The following CFAP47 variants were observed in gnomAD, a reference collection of about 807,000 sequenced individuals.
The protein encoded by CFAP47 is cilia- and flagella-associated protein 47.
Under a neutral mutation model 148.1 loss-of-function variants are expected in CFAP47, and 29 were observed. The ratio of observed to expected loss-of-function variants is 0.20; its 90% CI spans 0.15 to 0.27. The LOEUF (loss-of-function observed/expected upper bound fraction) is 0.27, where lower values mean the gene tolerates loss of function less well. CFAP47 is among the 10% of genes least tolerant of loss of function. The probability of loss-of-function intolerance (pLI) is 1.00; values close to 1 mark genes in which losing one functional copy is unlikely to be tolerated. For missense variants in CFAP47, 1,872 were observed against 1,697.5 expected (o/e 1.10, Z -1.81); for synonymous variants, 664 against 577.3 (o/e 1.15, Z -2.15).
chrX:35,968,665 T>A (rs1936444974), intron 10 of CFAP47, among the ~76,000 whole-genome samples: 1 of 111,381 alleles, frequency 9.0e-6, no homozygotes, highest in Non-Finnish European at 1.9e-5. Context: ...ATTTGATTTT[T>A]AGGACATAAT....
At chrX:36,344,737 A>G (rs1941683173) in intron 57 of CFAP47, among the ~76,000 whole-genome samples, 1 of 111,982 alleles carries the variant, frequency 8.9e-6, no homozygotes, top group African/African-American at 3.2e-5. Context: ...TAATCTTGTA[A>G]GGCTAAGTTA....
rs143068749 is a variant in CFAP47 at position 36,261,320 on chromosome X, C to CTTTTTTTT, written c.7444+9893_7444+9900dup. Among the ~76,000 whole-genome samples, 80 of 20,442 alleles carry CTTTTTTTT rather than the reference C, an allele frequency of 3.9e-3. 6 individuals carry two copies. The highest frequency in any genetic ancestry group is 0.012 in the African/African-American group (47 of 3,980). 17.8% of individuals were successfully genotyped at this position (20,442 alleles called of 115,157 possible). A position where few individuals can be genotyped will look rare whatever the true frequency, so the allele number is the denominator to read the frequency against. On this transcript the variant is annotated intron_variant, in intron 49 of 63. Coordinates refer to ENST00000378653, the MANE Select transcript of CFAP47 (RefSeq NM_001304548.2). ...GCCACCCTATCAGTTAGATACTATTCTTTTTTTTTTTTTTTTTTTTTTTTC... is the reference window on the plus strand; with the variant it reads ...GCCACCCTATCAGTTAGATACTATTCTTTTTTTTTTTTTTTTTTTTTTTTTTTTTTTTC...
At chrX:36,372,709 A>G (rs782718108) in intron 62 of CFAP47, among the ~76,000 whole-genome samples, 1 of 112,110 alleles carries the variant, frequency 8.9e-6, no homozygotes, top group Non-Finnish European at 1.9e-5. Context: ...ATCATATGGA[A>G]CAACCATTGT....
At chrX:36,170,365 G>GT (rs1351840370) in intron 39 of CFAP47, among the ~76,000 whole-genome samples, 10 of 110,455 alleles carry the variant, frequency 9.1e-5, no homozygotes, top group Non-Finnish European at 1.7e-4. Context: ...AGTTACATAT[G>GT]ATACATGTGC....
At chrX:36,049,173 C>CT (rs373209998) in intron 26 of CFAP47, among the ~76,000 whole-genome samples, 110 of 107,850 alleles carry the variant, frequency 1.0e-3, no homozygotes, top group African/African-American at 3.3e-3. Flanking sequence ...GGTTTTTTTT[C>CT]TTTTTTTTTG....
chrX:35,931,239 C>T (rs1308699539), intron 2 of CFAP47, among the ~76,000 whole-genome samples: 1 of 110,820 alleles, frequency 9.0e-6, no homozygotes, highest in African/African-American at 3.3e-5. Context: ...ATCGTTATTC[C>T]TTTCTGGTAG....
intron 39 of CFAP47, among the ~76,000 whole-genome samples, chrX:36,164,060 T>C (rs945007783): frequency 8.9e-6 from 1 of 112,331 alleles, no homozygotes; most frequent in African/African-American, 3.2e-5. Flanking sequence ...TTTGTATTAT[T>C]TAAATCATTT....
At chrX:36,141,061 T>A (rs1939130236) in intron 35 of CFAP47, among the ~76,000 whole-genome samples, 1 of 84,662 alleles carries the variant, frequency 1.2e-5, no homozygotes, top group African/African-American at 6.8e-5. Flanking sequence ...GTCCTTAAAT[T>A]TTTTTTTTTT....
intron 40 of CFAP47, among the ~76,000 whole-genome samples, chrX:36,186,929 T>C (rs1555985769): frequency 9.0e-6 from 1 of 110,938 alleles, no homozygotes; most frequent in South Asian, 3.8e-4. Flanking sequence ...TACTGTTCTT[T>C]TAATTCAACA....
chrX:36,034,275 G>A (rs939944842), intron 23 of CFAP47, among the ~76,000 whole-genome samples: 1 of 111,385 alleles, frequency 9.0e-6, no homozygotes, highest in Non-Finnish European at 1.9e-5. Context: ...GGGTTTTGGA[G>A]AAGAATGTTA....
At chrX:36,172,328 A>T (rs1213783158) in intron 39 of CFAP47, among the ~76,000 whole-genome samples, 4 of 106,694 alleles carry the variant, frequency 3.7e-5, no homozygotes, top group Non-Finnish European at 7.8e-5. Context: ...AGAACTTCCA[A>T]CACTATGTTG....
Position 36,170,162 on chromosome X carries a change from A to C in CFAP47, c.6027-9183A>C, listed in dbSNP as rs147782147. Among the ~76,000 whole-genome samples the C allele has an allele frequency of 7.5e-3, 839 of 111,738 alleles. 14 individuals carry two copies. Among genetic ancestry groups the C allele is most frequent in the African/African-American group, 0.026 (802 of 30,761 alleles). ...AAAGTTTGGAGTTTTTCTTGGATAA[A>C]CACTACTCCTGAGATTGTTGCATGC... is the stretch of plus-strand genomic sequence containing the variant. On this transcript the variant is annotated intron_variant, in intron 39 of 63. Coordinates refer to ENST00000378653, the MANE Select transcript of CFAP47 (RefSeq NM_001304548.2).
At chrX:36,199,355 A>G (rs1381956598) in intron 42 of CFAP47, among the ~76,000 whole-genome samples, 1 of 112,467 alleles carries the variant, frequency 8.9e-6, no homozygotes, top group African/African-American at 3.2e-5. Context: ...AATTAAAACC[A>G]GAAATGTCCA....
chrX:36,186,923 G>A (rs2146872827), intron 40 of CFAP47, among the ~76,000 whole-genome samples: 1 of 109,225 alleles, frequency 9.2e-6, no homozygotes, highest in East Asian at 2.9e-4. Context: ...AAGACTTACT[G>A]TTCTTTTAAT....
At chrX:36,121,471 G>A (rs919722995) in intron 33 of CFAP47, among the ~76,000 whole-genome samples, 1 of 110,383 alleles carries the variant, frequency 9.1e-6, no homozygotes, top group Non-Finnish European at 1.9e-5. Flanking sequence ...TTCTCTTAGC[G>A]AGGGTGATTT....
At chrX:36,370,734 A>G (rs1406975717) in intron 62 of CFAP47, among the ~76,000 whole-genome samples, 1 of 110,821 alleles carries the variant, frequency 9.0e-6, no homozygotes, top group African/African-American at 3.3e-5. Flanking sequence ...GGCGTATATG[A>G]AAAAAAATAG....
chrX:36,087,583 AGG>A (rs1938110527), intron 30 of CFAP47, among the ~76,000 whole-genome samples: 1 of 112,233 alleles, frequency 8.9e-6, no homozygotes, highest in South Asian at 3.7e-4. Flanking sequence ...GAGCATCTTA[AGG>A]GCAGAAACCA....
At chrX:36,229,725 G>A (rs894717244) in intron 46 of CFAP47, among the ~76,000 whole-genome samples, 18 of 107,463 alleles carry the variant, frequency 1.7e-4, no homozygotes, top group African/African-American at 5.8e-4. Context: ...TCGTCATTTA[G>A]CATTAGGTAT....
At chrX:36,014,934 A>G (rs1346597520) in intron 22 of CFAP47, 22 bp downstream of exon 22, 1 of 289,523 alleles carries the variant, frequency 3.5e-6, no homozygotes, top group African/African-American at 2.8e-5. Context: ...AAAATAATCA[A>G]TTGGTGTGGG....
Sources: gnomAD v4.1 joint callset for allele counts (sites outside exome capture counted in the v4.1 genomes callset) on GRCh38, gnomAD v4.1.1 for gene constraint, MANE v1.5 for transcripts, NCBI Gene and HGNC (gene_info 2026-07-23, HGNC 2026-07-21) for gene names.